The following HMGCLL1 variants were observed in gnomAD, a reference collection of about 807,000 sequenced individuals.
The protein encoded by HMGCLL1 is 3-hydroxymethyl-3-methylglutaryl-CoA lyase, cytoplasmic.
In HMGCLL1, 36 loss-of-function variants were observed where a neutral mutation model predicts 39.1. That is an observed-to-expected ratio of 0.92 (90% CI 0.71 to 1.22). The LOEUF is 1.22. Ranked by LOEUF, HMGCLL1 falls within the 50% of genes most tolerant of loss-of-function variation. The pLI is 0.00. For synonymous variants in HMGCLL1, 149 were observed against 144.0 expected (o/e 1.03, Z -0.25); for missense variants, 451 against 416.5 (o/e 1.08, Z -0.72).
At chr6:55,495,024 C>G (rs1404957639) in intron 7 of HMGCLL1, among the ~76,000 whole-genome samples, 1 of 152,136 alleles carries the variant, frequency 6.6e-6, no homozygotes, top group Non-Finnish European at 1.5e-5. Flanking sequence ...CATGAAATCA[C>G]CAAAGAAAGC....
upstream of HMGCLL1, chr6:55,579,302 G>C: frequency 3.5e-6 from 2 of 573,936 alleles, no homozygotes; most frequent in Non-Finnish European, 6.3e-6. Context: ...CCGAGCACCT[G>C]AACAGGAGAG....
intron 1 of HMGCLL1, chr6:55,577,120 G>C: frequency 6.2e-7 from 1 of 1,612,104 alleles, no homozygotes; most frequent in South Asian, 1.1e-5. Flanking sequence ...AGACTGAGAA[G>C]CCAGAGACAT....
chr6:55,519,746 T>C (rs1212687534), intron 3 of HMGCLL1, among the ~76,000 whole-genome samples: 3 of 152,124 alleles, frequency 2.0e-5, no homozygotes, highest in Non-Finnish European at 2.9e-5. Flanking sequence ...GACATATGTA[T>C]TCTCATGATA....
At chr6:55,507,473 G>A (rs968870619) in intron 5 of HMGCLL1, among the ~76,000 whole-genome samples, 4 of 143,980 alleles carry the variant, frequency 2.8e-5, no homozygotes, top group African/African-American at 7.7e-5. Context: ...GATCTGGGCT[G>A]GACACTTCAG....
At chr6:55,625,252 A>C in the HMGCLL1 span, among the ~76,000 whole-genome samples, 41 of 152,214 alleles carry the variant, frequency 2.7e-4, no homozygotes, top group African/African-American at 9.4e-4. Flanking sequence ...CCTATCATGA[A>C]CTGGGTGCTT....
At chr6:55,574,530 T>C (rs530265713) in intron 1 of HMGCLL1, among the ~76,000 whole-genome samples, 1 of 151,814 alleles carries the variant, frequency 6.6e-6, no homozygotes, top group East Asian at 1.9e-4. Context: ...AAAAAAAGTA[T>C]ATCACTAACA....
At chr6:55,538,004 T>G (rs1175902554) in intron 3 of HMGCLL1, among the ~76,000 whole-genome samples, 2 of 152,156 alleles carry the variant, frequency 1.3e-5, no homozygotes, top group Non-Finnish European at 2.9e-5. Context: ...GGACTGCCTT[T>G]TTTTTTCCTT....
intron 7 of HMGCLL1, 69 bp downstream of exon 7, chr6:55,495,350 G>C (rs41271322): frequency 8.6e-7 from 1 of 1,169,512 alleles, no homozygotes; most frequent in Non-Finnish European, 1.2e-6. Flanking sequence ...ACAGCTTTCA[G>C]TATGTTTATA....
the HMGCLL1 span, among the ~76,000 whole-genome samples, chr6:55,650,557 C>T: frequency 6.6e-6 from 1 of 151,946 alleles, no homozygotes. Flanking sequence ...ACTGGAGGTG[C>T]ACTTCGTCTA....
the HMGCLL1 span, among the ~76,000 whole-genome samples, chr6:55,678,085 TAGTC>T: frequency 1.1e-4 from 16 of 152,282 alleles, no homozygotes; most frequent in African/African-American, 2.2e-4. Flanking sequence ...AGATTGTTAA[TAGTC>T]AGGAAGCTAC....
chr6:55,496,516 G>A (rs895064207), intron 6 of HMGCLL1, among the ~76,000 whole-genome samples: 4 of 152,046 alleles, frequency 2.6e-5, no homozygotes, highest in African/African-American at 4.8e-5. Flanking sequence ...TTAAAATCCT[G>A]GTGATGCTAA....
chr6:55,590,032 C>A, the HMGCLL1 span, among the ~76,000 whole-genome samples: 1 of 152,168 alleles, frequency 6.6e-6, no homozygotes, highest in Admixed American at 6.6e-5. Context: ...TGACTTTCTT[C>A]ACAGAATTGA....
At chr6:55,591,243 T>C in the HMGCLL1 span, among the ~76,000 whole-genome samples, 1 of 151,958 alleles carries the variant, frequency 6.6e-6, no homozygotes, top group South Asian at 2.1e-4. Flanking sequence ...CTCAATCTTG[T>C]CCTAAATATG....
chr6:55,641,229 A>G, the HMGCLL1 span, among the ~76,000 whole-genome samples: 1 of 151,738 alleles, frequency 6.6e-6, no homozygotes, highest in Non-Finnish European at 1.5e-5. Context: ...GGGGAAGCAA[A>G]TAATAAGGAA....
intron 3 of HMGCLL1, among the ~76,000 whole-genome samples, chr6:55,519,343 A>G (rs72976267): frequency 6.6e-6 from 1 of 152,238 alleles, no homozygotes; most frequent in Non-Finnish European, 1.5e-5. Flanking sequence ...ACTAAAGAAA[A>G]ATGAAGAGGA....
At chr6:55,625,100 G>C in the HMGCLL1 span, among the ~76,000 whole-genome samples, 1 of 152,074 alleles carries the variant, frequency 6.6e-6, no homozygotes, top group Non-Finnish European at 1.5e-5. Context: ...CGCCGTGGAG[G>C]CCTCTAGGAT....
intron 1 of HMGCLL1, among the ~76,000 whole-genome samples, chr6:55,551,229 A>T (rs1486963934): frequency 6.6e-6 from 1 of 151,876 alleles, no homozygotes; most frequent in Non-Finnish European, 1.5e-5. Context: ...AGATTCTTGG[A>T]TACAAGGTTC....
intron 5 of HMGCLL1, among the ~76,000 whole-genome samples, chr6:55,511,418 T>C (rs1289486689): frequency 1.3e-5 from 2 of 152,056 alleles, no homozygotes; most frequent in Non-Finnish European, 2.9e-5. Flanking sequence ...TCAGTGAGTG[T>C]GTGGGGGGAA....
chr6:55,475,692 C>T (rs1385410435), intron 7 of HMGCLL1, among the ~76,000 whole-genome samples: 2 of 151,514 alleles, frequency 1.3e-5, no homozygotes, highest in Non-Finnish European at 3.0e-5. Context: ...CACTGTTAGC[C>T]TTTCTCATGT....
Sources: gnomAD v4.1 joint callset for allele counts (sites outside exome capture counted in the v4.1 genomes callset) on GRCh38, gnomAD v4.1.1 for gene constraint, MANE v1.5 for transcripts, NCBI Gene and HGNC (gene_info 2026-07-23, HGNC 2026-07-21) for gene names.